Variants in LEP observed in about 807,000 individuals in gnomAD.
LEP encodes leptin (murine obesity homolog).
A neutral mutation model predicts 9.8 loss-of-function variants in LEP; 6 were observed. That is an observed-to-expected ratio of 0.61 (90% CI 0.34 to 1.21). LEP has a LOEUF of 1.21. Ranked by LOEUF, LEP falls within the 50% of genes most tolerant of loss-of-function variation. The pLI is 0.04. For missense variants in LEP, 134 were observed against 198.1 expected, an observed-to-expected ratio of 0.68 and a Z score of 1.94; for synonymous variants, 112 against 81.7, an observed-to-expected ratio of 1.37 and a Z score of -2.00.
In LEP at chr7:128,254,850, A is replaced by T; in HGVS notation, c.*87A>T. On this transcript the variant is annotated 3_prime_UTR_variant, in exon 3 of 3. Coordinates refer to ENST00000308868, the MANE Select transcript of LEP (RefSeq NM_000230.3). Reference sequence around the variant, plus strand: ...TATCTCCAGGATTGAAGAGCATTGCATGGACACCCCTTATCCAGGACTCTG... The same window carrying T: ...TATCTCCAGGATTGAAGAGCATTGCTTGGACACCCCTTATCCAGGACTCTG... 3.5e-6 allele frequency: 5 copies of T among 1,418,556 alleles called. No individual in the cohort carries two copies. The Admixed American group carries it at 7.1e-5, about 20-fold the overall frequency. 87.9% of individuals were successfully genotyped at this position (1,418,556 alleles called of 1,614,324 possible).
intron 2 of LEP, 77 bp downstream of exon 2, chr7:128,252,239 G>A (rs956728503): frequency 7.2e-6 from 11 of 1,525,408 alleles, no homozygotes; most frequent in Non-Finnish European, 1.0e-5. Flanking sequence ...GACCCAGATA[G>A]TCCAAGAAAC....
At position 128,256,997 on chromosome 7, in the gene LEP, G is replaced by C. The variant is rs886061977; in HGVS notation, c.*2234G>C. ...GCAGTGAGTTACAGCGAGAGGCAGA[G>C]AAAGAAGAGACAGGAGGGCAAGGGC... On this transcript the variant is annotated 3_prime_UTR_variant, in exon 3 of 3. Transcript: ENST00000308868. The C allele has an allele frequency of 6.6e-6, 1 of 152,510 alleles. No homozygotes were observed. Among genetic ancestry groups the C allele is most frequent in the African/African-American group, 2.4e-5 (1 of 41,422 alleles). The allele number at this position is 152,510 out of a possible 1,614,324, so 9.4% of individuals were successfully genotyped here.
chr7:128,253,690 G>A (rs890644051), intron 2 of LEP, among the ~76,000 whole-genome samples: 4 of 152,188 alleles, frequency 2.6e-5, no homozygotes, highest in African/African-American at 9.7e-5. Flanking sequence ...CTCAGAACTA[G>A]ATAGAGTCTT....
chr7:128,252,481 G>T (rs1187334617), intron 2 of LEP, among the ~76,000 whole-genome samples: 1 of 152,172 alleles, frequency 6.6e-6, no homozygotes, highest in Admixed American at 6.5e-5. Flanking sequence ...TGTCATCCCA[G>T]CACTTTGGGA....
chr7:128,242,690 G>T (rs1195184591), intron 1 of LEP, among the ~76,000 whole-genome samples: 1 of 152,140 alleles, frequency 6.6e-6, no homozygotes, highest in Non-Finnish European at 1.5e-5. Context: ...CTTGGTATTT[G>T]GGGAAATATT....
Position 128,252,135 on chromosome 7 carries a change from C to G in LEP, c.117C>G (p.Val39=). 1 of 1,614,210 alleles carries G rather than the reference C, an allele frequency of 6.2e-7. No individual in the cohort carries two copies. Among genetic ancestry groups the G allele is most frequent in the East Asian group, 2.2e-5 (1 of 44,886 alleles). ...DDTKTLIKTI[V]TRINDISHTQ... Reference sequence around the variant, plus strand: ...CCAAAACCCTCATCAAGACAATTGTCACCAGGATCAATGACATTTCACACA... The same window carrying G: ...CCAAAACCCTCATCAAGACAATTGTGACCAGGATCAATGACATTTCACACA... Residue 39 remains valine, a synonymous_variant, in exon 2 of 3, where the codon GTC becomes GTG. Coordinates refer to ENST00000308868, the MANE Select transcript of LEP (RefSeq NM_000230.3).
Position 128,254,386 on chromosome 7 carries a change from C to T in LEP, c.145-18C>T, listed in dbSNP as rs1376986639. 2 of 1,611,492 alleles carry T rather than the reference C, an allele frequency of 1.2e-6. No homozygotes were observed. Among genetic ancestry groups the T allele is most frequent in the South Asian group, 1.1e-5 (1 of 91,072 alleles). ...TCCCACATGCTGAGCACTTGTTCTC[C>T]CTCTTCCTCCTGCATAGCAGTCAGT... On this transcript the variant is annotated intron_variant, in intron 2 of 2. Coordinates refer to ENST00000308868, the MANE Select transcript of LEP (RefSeq NM_000230.3).
chr7:128,254,333 G>T, intron 2 of LEP, 71 bp from the exon 3 acceptor site: 1 of 1,591,844 alleles, frequency 6.3e-7, no homozygotes, highest in South Asian at 1.1e-5. Flanking sequence ...TGCCCACGGG[G>T]AAGGCAGAGG....
chr7:128,251,974 G>T lies in LEP; in HGVS notation c.-28-17G>T. 1 of 1,608,094 alleles carries T rather than the reference G, an allele frequency of 6.2e-7. No homozygotes were observed. The highest frequency in any genetic ancestry group is 8.5e-7 in the Non-Finnish European group (1 of 1,174,608). ...AGATACCGGCTCCTTGCAGTGTGTGGTTCCTTCTGTTTTCAGGCCCAAGAA... is the reference window on the plus strand; with the variant it reads ...AGATACCGGCTCCTTGCAGTGTGTGTTTCCTTCTGTTTTCAGGCCCAAGAA... On this transcript the variant is annotated splice_polypyrimidine_tract_variant and intron_variant, in intron 1 of 2. Transcript: ENST00000308868.
At chr7:128,248,577 G>A (rs1795241261) in intron 1 of LEP, among the ~76,000 whole-genome samples, 1 of 152,152 alleles carries the variant, frequency 6.6e-6, no homozygotes, top group African/African-American at 2.4e-5. Flanking sequence ...TCCAGCCTAG[G>A]TAAAGAACAA....
At chr7:128,247,181 C>T (rs528417186) in intron 1 of LEP, among the ~76,000 whole-genome samples, 6 of 152,312 alleles carry the variant, frequency 3.9e-5, no homozygotes, top group South Asian at 4.1e-4. Flanking sequence ...GACAGCTGAT[C>T]GCGGCCTTTC....
chr7:128,245,261 C>T (rs28954088), intron 1 of LEP, among the ~76,000 whole-genome samples: 180 of 152,288 alleles, frequency 1.2e-3, no homozygotes, highest in African/African-American at 4.0e-3. Flanking sequence ...CCCTGGGGAA[C>T]GCCTGTCCTT....
chr7:128,251,821 T>C (rs1252524561), intron 1 of LEP, among the ~76,000 whole-genome samples, 170 bp from the exon 2 acceptor site: 1 of 152,216 alleles, frequency 6.6e-6, no homozygotes, highest in South Asian at 2.1e-4. Context: ...GGGATGCATT[T>C]CATTAATACA....
chr7:128,252,852 C>G (rs1056895005), intron 2 of LEP, among the ~76,000 whole-genome samples: 24 of 152,084 alleles, frequency 1.6e-4, no homozygotes, highest in African/African-American at 5.8e-4. Flanking sequence ...GAGTTCAAGA[C>G]CAGCCTGGGC....
At chr7:128,244,414 A>C (rs908526922) in intron 1 of LEP, among the ~76,000 whole-genome samples, 1 of 152,170 alleles carries the variant, frequency 6.6e-6, no homozygotes, top group Admixed American at 6.5e-5. Flanking sequence ...CGATTTCTCA[A>C]ATGAGGCTTT....
Position 128,256,441 on chromosome 7 carries a change from C to G in LEP, c.*1678C>G, listed in dbSNP as rs188857005. On this transcript the variant is annotated 3_prime_UTR_variant, in exon 3 of 3. Coordinates refer to ENST00000308868, the MANE Select transcript of LEP (RefSeq NM_000230.3). ...GGTGCTATAGGCTGGAGAAGCTCAC[C>G]CAATAAACATTAAGATTGAGGCCTG... 6.5e-6 allele frequency: 1 copy of G among 152,702 alleles called. No homozygotes were observed. Among genetic ancestry groups the G allele is most frequent in the Non-Finnish European group, 1.5e-5 (1 of 68,070 alleles). 9.5% of individuals were successfully genotyped at this position (152,702 alleles called of 1,614,324 possible). A position where few individuals can be genotyped will look rare whatever the true frequency, so the allele number is the denominator to read the frequency against.
chr7:128,247,955 T>C (rs1795230756), intron 1 of LEP, among the ~76,000 whole-genome samples: 1 of 152,188 alleles, frequency 6.6e-6, no homozygotes, highest in Non-Finnish European at 1.5e-5. Flanking sequence ...CTTTGCTGAG[T>C]CACCCAAGGC....
intron 1 of LEP, among the ~76,000 whole-genome samples, chr7:128,241,697 A>C (rs1354735276): frequency 6.6e-6 from 1 of 152,222 alleles, no homozygotes; most frequent in Non-Finnish European, 1.5e-5. Flanking sequence ...GGAGAGACGC[A>C]GATGCAAGTG....
At chr7:128,247,473 C>G (rs1795225102) in intron 1 of LEP, among the ~76,000 whole-genome samples, 1 of 152,168 alleles carries the variant, frequency 6.6e-6, no homozygotes, top group Non-Finnish European at 1.5e-5. Flanking sequence ...AAAGCTTTGC[C>G]TCCCTTCCTG....
Sources: allele counts gnomAD v4.1 joint callset (sites outside exome capture counted in the v4.1 genomes callset), GRCh38; gene constraint gnomAD v4.1.1; transcripts MANE v1.5; gene names NCBI Gene and HGNC (gene_info 2026-07-23, HGNC 2026-07-21).